CNTNAP4: variants seen among roughly 807,000 people sequenced by gnomAD.
CNTNAP4 encodes the protein contactin-associated protein-like 4.
In CNTNAP4, 98 loss-of-function variants were observed where a neutral mutation model predicts 148.4. The ratio of observed to expected loss-of-function variants is 0.66; its 90% confidence interval spans 0.56 to 0.78. The LOEUF is 0.78. Ranked by LOEUF, CNTNAP4 falls within the 30% of genes least tolerant of loss-of-function variation. The pLI is 0.00. For missense variants in CNTNAP4, 1,935 were observed against 1,565.6 expected, an observed-to-expected ratio of 1.24 and a Z score of -3.98; for synonymous variants, 730 against 565.1, an observed-to-expected ratio of 1.29 and a Z score of -4.14.
chr16:76,521,104 C>T (rs1196879622), intron 15 of CNTNAP4, 36 bp from the exon 16 acceptor site: 20 of 1,497,956 alleles, frequency 1.3e-5, no homozygotes, highest in African/African-American at 5.2e-5. Flanking sequence ...TGTTTTCTTT[C>T]TGAATTTTTT....
At chr16:76,494,882 T>C (rs1217235558) in intron 13 of CNTNAP4, 28 bp from the exon 14 acceptor site, 1 of 1,608,192 alleles carries the variant, frequency 6.2e-7, no homozygotes, top group South Asian at 1.1e-5. Context: ...ATAAAACAGA[T>C]GTCACATTTT....
intron 3 of CNTNAP4, among the ~76,000 whole-genome samples, chr16:76,362,557 G>A (rs1257075107): frequency 6.6e-6 from 1 of 152,136 alleles, no homozygotes; most frequent in African/African-American, 2.4e-5. Flanking sequence ...CATAAAGACA[G>A]ACATATAGAC....
At chr16:76,489,657 C>G (rs1366765582) in intron 12 of CNTNAP4, 29 bp from the exon 13 acceptor site, 2 of 1,355,106 alleles carry the variant, frequency 1.5e-6, no homozygotes, top group Admixed American at 2.3e-5. Flanking sequence ...ATGGTCTCCT[C>G]TCTTTCTCCC....
intron 2 of CNTNAP4, among the ~76,000 whole-genome samples, chr16:76,340,092 T>A (rs575075094): frequency 6.6e-6 from 1 of 152,126 alleles, no homozygotes; most frequent in Admixed American, 6.5e-5. Context: ...ATTGGGCTTG[T>A]GTTACATGCT....
At chr16:76,474,775 C>T (rs193222689) in intron 10 of CNTNAP4, among the ~76,000 whole-genome samples, 1 of 152,222 alleles carries the variant, frequency 6.6e-6, no homozygotes, top group African/African-American at 2.4e-5. Flanking sequence ...GTAATTTTGA[C>T]TGTGCTGCTA....
At chr16:76,484,779 C>T (rs2081966377) in intron 12 of CNTNAP4, among the ~76,000 whole-genome samples, 1 of 152,154 alleles carries the variant, frequency 6.6e-6, no homozygotes, top group Non-Finnish European at 1.5e-5. Flanking sequence ...TGTTTCATTG[C>T]TTGCAGCCAA....
chr16:76,537,874 A>G (rs768577168), intron 18 of CNTNAP4, among the ~76,000 whole-genome samples: 3 of 152,090 alleles, frequency 2.0e-5, no homozygotes, highest in East Asian at 1.9e-4. Context: ...TCAGATAAGA[A>G]AGCATTTAAC....
chr16:76,455,400 A>T (rs927082634), intron 8 of CNTNAP4, among the ~76,000 whole-genome samples: 1 of 152,154 alleles, frequency 6.6e-6, no homozygotes, highest in Non-Finnish European at 1.5e-5. Flanking sequence ...GCATTTTTCT[A>T]TTACTAAGCA....
intron 2 of CNTNAP4, among the ~76,000 whole-genome samples, chr16:76,353,646 GCTAGCCCTAT>G: frequency 6.6e-6 from 1 of 152,042 alleles, no homozygotes; most frequent in Non-Finnish European, 1.5e-5. Flanking sequence ...AGCCTAGCTA[GCTAGCCCTAT>G]CCTGCTTGTC....
chr16:76,518,541 A>T (rs1016210608), intron 15 of CNTNAP4, among the ~76,000 whole-genome samples: 2 of 152,120 alleles, frequency 1.3e-5, no homozygotes, highest in African/African-American at 4.8e-5. Context: ...TTTTTTCTAG[A>T]TACATAATAC....
Position 76,499,494 on chromosome 16 carries a change from G to T in CNTNAP4, c.2365+800G>T, listed in dbSNP as rs188118105. 8.4e-3 allele frequency among the ~76,000 whole-genome samples: 1,266 copies of T among 151,014 alleles called. 6 individuals are homozygous for T. The highest frequency in any genetic ancestry group is 0.014 in the Non-Finnish European group (925 of 67,820). ...AGACTTCCTACTAATTTATTACAACGCTGTTTATTTCTATAGAGCTAATTT... is the reference window on the plus strand; with the variant it reads ...AGACTTCCTACTAATTTATTACAACTCTGTTTATTTCTATAGAGCTAATTT... On this transcript the variant is annotated intron_variant, in intron 15 of 23. Coordinates refer to ENST00000611870, the MANE Select transcript of CNTNAP4 (RefSeq NM_033401.5).
chr16:76,311,726 C>G (rs537952559), intron 1 of CNTNAP4, among the ~76,000 whole-genome samples: 2 of 152,008 alleles, frequency 1.3e-5, no homozygotes, highest in African/African-American at 4.8e-5. Context: ...TCAACATACC[C>G]AGCTGCATTT....
intron 13 of CNTNAP4, among the ~76,000 whole-genome samples, chr16:76,490,400 C>G (rs1388112343): frequency 6.6e-6 from 1 of 152,152 alleles, no homozygotes; most frequent in East Asian, 1.9e-4. Flanking sequence ...ACCATCTTGA[C>G]TCTTTATTTG....
chr16:76,522,818 A>G (rs2083546340), intron 17 of CNTNAP4, among the ~76,000 whole-genome samples: 1 of 147,952 alleles, frequency 6.8e-6, no homozygotes, highest in South Asian at 2.1e-4. Context: ...GCTGGAGTGC[A>G]ATAGTGCGAT....
chr16:76,402,468 CTT>C (rs2078453718), intron 3 of CNTNAP4, among the ~76,000 whole-genome samples: 2 of 144,532 alleles, frequency 1.4e-5, no homozygotes, highest in South Asian at 4.2e-4. Flanking sequence ...AGCAACCTAT[CTT>C]ATCAATTTTT....
At chr16:76,382,497 G>C (rs759140242) in intron 3 of CNTNAP4, among the ~76,000 whole-genome samples, 5 of 152,006 alleles carry the variant, frequency 3.3e-5, no homozygotes, top group Admixed American at 6.6e-5. Flanking sequence ...GCAGTTATGT[G>C]ATTATATTGA....
intron 3 of CNTNAP4, among the ~76,000 whole-genome samples, chr16:76,421,293 A>G (rs894051099): frequency 6.6e-6 from 1 of 152,120 alleles, no homozygotes; most frequent in African/African-American, 2.4e-5. Context: ...AGTTTGTTAA[A>G]TAAAATTCCA....
intron 14 of CNTNAP4, among the ~76,000 whole-genome samples, chr16:76,498,102 A>T (rs1267177631): frequency 6.6e-6 from 1 of 152,206 alleles, no homozygotes; most frequent in African/African-American, 2.4e-5. Flanking sequence ...AAATGTCATT[A>T]TGTTTTGGCC....
chr16:76,280,903 G>T (rs1958661715), intron 1 of CNTNAP4, among the ~76,000 whole-genome samples: 1 of 152,120 alleles, frequency 6.6e-6, no homozygotes, highest in African/African-American at 2.4e-5. Context: ...CAGTAGTAAG[G>T]CTGATAAGAG....
Sources: allele counts gnomAD v4.1 joint callset (sites outside exome capture counted in the v4.1 genomes callset), GRCh38; gene constraint gnomAD v4.1.1; transcripts MANE v1.5; gene names NCBI Gene and HGNC (gene_info 2026-07-23, HGNC 2026-07-21).